The following NFIC variants were observed in gnomAD, a reference collection of about 807,000 sequenced individuals.
NFIC encodes the protein nuclear factor I C.
A neutral mutation model predicts 54.4 loss-of-function variants in NFIC; 12 were observed. The observed-to-expected ratio is 0.22, with a 90% CI of 0.14 to 0.36. NFIC has a LOEUF of 0.36. NFIC is among the 10% of genes least tolerant of loss of function. The probability of loss-of-function intolerance (pLI) is 1.00; values close to 1 mark genes in which losing one functional copy is unlikely to be tolerated. For missense variants in NFIC, 575 were observed against 718.2 expected, an observed-to-expected ratio of 0.80 and a Z score of 2.28; for synonymous variants, 322 against 319.2, an observed-to-expected ratio of 1.01 and a Z score of -0.09.
chr19:3,436,386 G>C (rs1452593461), intron 6 of NFIC, among the ~76,000 whole-genome samples: 1 of 138,250 alleles, frequency 7.2e-6, no homozygotes, highest in Admixed American at 7.7e-5. Flanking sequence ...TTGAACTCCT[G>C]AGTTCAAGTG....
intron 2 of NFIC, among the ~76,000 whole-genome samples, chr19:3,398,819 C>A (rs1323768742): frequency 1.3e-5 from 2 of 152,216 alleles, no homozygotes; most frequent in African/African-American, 4.8e-5. Flanking sequence ...CAGCGCCCAG[C>A]TGGGGAGGGG....
intron 10 of NFIC, among the ~76,000 whole-genome samples, chr19:3,461,259 A>G (rs2082634526): frequency 3.6e-5 from 5 of 138,448 alleles, no homozygotes; most frequent in Non-Finnish European, 1.5e-5. Flanking sequence ...CACCTCTACA[A>G]AAAAAAAAAA....
At chr19:3,425,686 C>G (rs912162843) in intron 3 of NFIC, among the ~76,000 whole-genome samples, 1 of 151,910 alleles carries the variant, frequency 6.6e-6, no homozygotes, top group East Asian at 1.9e-4. Flanking sequence ...TCTTGAACTC[C>G]TGACCTCAGG....
In NFIC at chr19:3,462,655, C is replaced by T. The variant is rs1318861026; in HGVS notation, c.1510-97C>T. The T allele has an allele frequency of 1.5e-5, 20 of 1,362,934 alleles. No homozygotes were observed. In the East Asian group the frequency reaches 1.8e-4, roughly 13 times the overall value. 84.4% of individuals were successfully genotyped at this position (1,362,934 alleles called of 1,614,324 possible). A position where few individuals can be genotyped will look rare whatever the true frequency, so the allele number is the denominator to read the frequency against. On this transcript the variant is annotated intron_variant, in intron 10 of 10. Transcript: ENST00000443272. Reference sequence around the variant, plus strand: ...AGGGTTGCAGGAGGTGGGGGGTGAGCGTGGGAAGAGGTAAACCATGTCTGC... The same window carrying T: ...AGGGTTGCAGGAGGTGGGGGGTGAGTGTGGGAAGAGGTAAACCATGTCTGC...
intron 2 of NFIC, among the ~76,000 whole-genome samples, chr19:3,411,900 G>A (rs1050900980): frequency 1.3e-5 from 2 of 152,122 alleles, no homozygotes; most frequent in South Asian, 2.1e-4. Flanking sequence ...TGTCCGCGCC[G>A]TCAGTGCCAT....
chr19:3,374,144 T>C (rs2081067541), intron 1 of NFIC, among the ~76,000 whole-genome samples: 1 of 152,162 alleles, frequency 6.6e-6, no homozygotes, highest in Non-Finnish European at 1.5e-5. Flanking sequence ...GGTTTGGAAA[T>C]TGGAGTTTCT....
Position 3,467,773 on chromosome 19 carries a change from A to ATATG in NFIC, c.*5007_*5008insGTAT, listed in dbSNP as rs2082736190. On this transcript the variant is annotated 3_prime_UTR_variant, in exon 11 of 11. Coordinates refer to ENST00000443272, the MANE Select transcript of NFIC (RefSeq NM_001245002.2). ...CTATACTATACATATATATATATATATATATATATATATATAATTTTGGAA... is the reference window on the plus strand; with the variant it reads ...CTATACTATACATATATATATATATATATGTATATATATATATATAATTTTGGAA... 1 of 133,388 alleles carries ATATG rather than the reference A, an allele frequency of 7.5e-6. No individual in the cohort carries two copies. The highest frequency in any genetic ancestry group is 1.6e-5 in the Non-Finnish European group (1 of 64,326). 8.3% of individuals were successfully genotyped at this position (133,388 alleles called of 1,614,324 possible).
Position 3,463,807 on chromosome 19 carries a change from GGCGGTGGGAGGTGAGA to G in NFIC, c.*1042_*1057del. ...GTCTGGAGCGCCCCCGTCAGCCCCT[GGCGGTGGGAGGTGAGA>G]GCGAGTGGTTTAAGTGCCTGATTAC... On this transcript the variant is annotated 3_prime_UTR_variant, in exon 11 of 11. Coordinates refer to ENST00000443272, the MANE Select transcript of NFIC (RefSeq NM_001245002.2). 1 of 985,298 alleles carries G rather than the reference GGCGGTGGGAGGTGAGA, an allele frequency of 1.0e-6. No homozygotes were observed. Among genetic ancestry groups the G allele is most frequent in the Non-Finnish European group, 1.2e-6 (1 of 829,892 alleles). The allele number at this position is 985,298 out of a possible 1,614,324, so 61.0% of individuals were successfully genotyped here.
intron 2 of NFIC, among the ~76,000 whole-genome samples, chr19:3,394,619 C>G (rs187369782): frequency 2.9e-3 from 422 of 144,610 alleles, no homozygotes; most frequent in Admixed American, 5.6e-3. Flanking sequence ...TTGGGCAGGC[C>G]GTGCTAAGAC....
chr19:3,412,178 G>T (rs1368746247), intron 2 of NFIC, among the ~76,000 whole-genome samples: 1 of 152,096 alleles, frequency 6.6e-6, no homozygotes, highest in Non-Finnish European at 1.5e-5. Context: ...GAGCTCCTGG[G>T]CTCAGACGAT....
chr19:3,405,162 G>A (rs2081627151), intron 2 of NFIC, among the ~76,000 whole-genome samples: 1 of 152,256 alleles, frequency 6.6e-6, no homozygotes. Context: ...GCAGGGGAGA[G>A]GGAGATGGAA....
intron 1 of NFIC, 69 bp from the exon 2 acceptor site, chr19:3,381,643 C>T: frequency 2.0e-6 from 3 of 1,536,324 alleles, no homozygotes; most frequent in Admixed American, 4.0e-5. Flanking sequence ...CCTCAGCCTT[C>T]GGGGCCGGGC....
At chr19:3,381,164 G>A (rs941961495) in intron 1 of NFIC, among the ~76,000 whole-genome samples, 2 of 152,074 alleles carry the variant, frequency 1.3e-5, no homozygotes, top group African/African-American at 4.8e-5. Context: ...GCCGAGAGCC[G>A]AGGCGGGCGG....
chr19:3,431,360 CTTTTTTTTTTTTTTT>C (rs71164702), intron 3 of NFIC, among the ~76,000 whole-genome samples: 1 of 84,168 alleles, frequency 1.2e-5, no homozygotes, highest in Non-Finnish European at 2.2e-5. Context: ...TTTCCTTCTT[CTTTTTTTTTTTTTTT>C]TTTTTTTTTT....
Position 3,464,305 on chromosome 19 carries a change from C to T in NFIC, c.*1536C>T, listed in dbSNP as rs1330548771. 8.1e-6 allele frequency: 8 copies of T among 985,006 alleles called. No homozygotes were observed. The African/African-American group carries it at 8.7e-5, about 11-fold the overall frequency. 61.0% of individuals were successfully genotyped at this position (985,006 alleles called of 1,614,324 possible). A position where few individuals can be genotyped will look rare whatever the true frequency, so the allele number is the denominator to read the frequency against. ...GGGGGTTCGGCGTCGCACCTTGGGGCCCCCCGCAGCCGTGTAGGGGGCCTC... is the reference window on the plus strand; with the variant it reads ...GGGGGTTCGGCGTCGCACCTTGGGGTCCCCCGCAGCCGTGTAGGGGGCCTC... On this transcript the variant is annotated 3_prime_UTR_variant, in exon 11 of 11. Coordinates refer to ENST00000443272, the MANE Select transcript of NFIC (RefSeq NM_001245002.2).
chr19:3,359,696 G>T, intron 1 of NFIC: 1 of 1,424,454 alleles, frequency 7.0e-7, no homozygotes, highest in South Asian at 1.4e-5. Flanking sequence ...GTACGTCGCC[G>T]CACCCACTTT....
chr19:3,403,836 C>T (rs529427539), intron 2 of NFIC, among the ~76,000 whole-genome samples: 2 of 152,006 alleles, frequency 1.3e-5, no homozygotes, highest in Non-Finnish European at 2.9e-5. Context: ...CACCCCCCGC[C>T]GCGCCCGGCT....
intron 6 of NFIC, among the ~76,000 whole-genome samples, chr19:3,448,501 G>A (rs896043163): frequency 1.3e-5 from 2 of 152,170 alleles, no homozygotes; most frequent in Admixed American, 1.3e-4. Context: ...AGTGATGCCA[G>A]CAAGTCACTG....
chr19:3,464,476 G>C lies in NFIC; in HGVS notation c.*1707G>C. 1 of 976,162 alleles carries C rather than the reference G, an allele frequency of 1.0e-6. No homozygotes were observed. The highest frequency in any genetic ancestry group is 1.2e-6 in the Non-Finnish European group (1 of 825,736). 60.5% of individuals were successfully genotyped at this position (976,162 alleles called of 1,614,324 possible). ...ATCTTTAGGGGAGGCCTGGGAGGGGGTGTTAGGTGTTTTAGGGCCACCGAG... is the reference window on the plus strand; with the variant it reads ...ATCTTTAGGGGAGGCCTGGGAGGGGCTGTTAGGTGTTTTAGGGCCACCGAG... On this transcript the variant is annotated 3_prime_UTR_variant, in exon 11 of 11. Transcript: ENST00000443272.
Sources: allele counts gnomAD v4.1 joint callset (sites outside exome capture counted in the v4.1 genomes callset), GRCh38; gene constraint gnomAD v4.1.1; transcripts MANE v1.5; gene names NCBI Gene and HGNC (gene_info 2026-07-23, HGNC 2026-07-21).